The following SLC25A13 variants were observed in gnomAD, a reference collection of about 807,000 sequenced individuals.
SLC25A13 encodes the protein electrogenic aspartate/glutamate antiporter SLC25A13, mitochondrial.
Under a neutral mutation model 85.5 loss-of-function variants are expected in SLC25A13, and 70 were observed. That is an observed-to-expected ratio of 0.82 (90% CI 0.68 to 1.00). The LOEUF is 1.00. Ranked by LOEUF, SLC25A13 falls within the 50% of genes least tolerant of loss-of-function variation. SLC25A13 has a pLI of 0.00. For synonymous variants in SLC25A13, 259 were observed against 288.7 expected, an observed-to-expected ratio of 0.90 and a Z score of 1.04; for missense variants, 765 against 819.8, an observed-to-expected ratio of 0.93 and a Z score of 0.82.
At chr7:96,255,889 T>C (rs1797615106) in intron 3 of SLC25A13, among the ~76,000 whole-genome samples, 1 of 152,098 alleles carries the variant, frequency 6.6e-6, no homozygotes, top group Admixed American at 6.6e-5. Context: ...TGCAGAAACC[T>C]TAAAAGCCAG....
At position 96,120,693 on chromosome 7, in the gene SLC25A13, G is replaced by C. The variant is rs1018706685; in HGVS notation, c.*498C>G. On this transcript the variant is annotated 3_prime_UTR_variant, in exon 18 of 18. Coordinates refer to ENST00000265631, the MANE Select transcript of SLC25A13 (RefSeq NM_014251.3). ...ATAATATAATCCAGAGACAGAATTT[G>C]TGCATGCTTACAATTTGAAGCCAGG... 4.4e-6 allele frequency: 2 copies of C among 454,444 alleles called. No individual in the cohort carries two copies. The highest frequency in any genetic ancestry group is 4.7e-5 in the Admixed American group (2 of 42,562). 28.2% of individuals were successfully genotyped at this position (454,444 alleles called of 1,614,324 possible). A position where few individuals can be genotyped will look rare whatever the true frequency, so the allele number is the denominator to read the frequency against.
At chr7:96,264,118 T>C (rs759230421) in intron 3 of SLC25A13, among the ~76,000 whole-genome samples, 10 of 152,164 alleles carry the variant, frequency 6.6e-5, no homozygotes, top group African/African-American at 9.7e-5. Context: ...GAACCTCACC[T>C]ACTCTGGATT....
intron 2 of SLC25A13, among the ~76,000 whole-genome samples, chr7:96,283,994 G>A (rs1798793148): frequency 6.6e-6 from 1 of 152,040 alleles, no homozygotes; most frequent in African/African-American, 2.4e-5. Flanking sequence ...TACTGCGCAA[G>A]AAATTACTCA....
chr7:96,298,995 A>G (rs1428954436), intron 1 of SLC25A13, among the ~76,000 whole-genome samples: 4 of 152,192 alleles, frequency 2.6e-5, no homozygotes, highest in African/African-American at 9.7e-5. Context: ...AGAGTCCCAC[A>G]TCTCATGGAA....
intron 4 of SLC25A13, among the ~76,000 whole-genome samples, chr7:96,229,141 C>A (rs941191732): frequency 6.6e-6 from 1 of 152,180 alleles, no homozygotes; most frequent in African/African-American, 2.4e-5. Flanking sequence ...AGCCCCAGTG[C>A]GGGATCTACT....
chr7:96,228,428 T>C (rs150540875), intron 4 of SLC25A13, among the ~76,000 whole-genome samples: 37 of 152,324 alleles, frequency 2.4e-4, no homozygotes, highest in South Asian at 1.0e-3. Flanking sequence ...TAAATGCTCA[T>C]TGAAGCCACA....
chr7:96,252,711 T>C (rs961018713), intron 3 of SLC25A13, among the ~76,000 whole-genome samples: 2 of 152,138 alleles, frequency 1.3e-5, no homozygotes, highest in Non-Finnish European at 2.9e-5. Flanking sequence ...GAACTAATAT[T>C]ATCATTGGAT....
chr7:96,268,221 ACAGT>A (rs1798108271), intron 3 of SLC25A13, among the ~76,000 whole-genome samples: 1 of 152,220 alleles, frequency 6.6e-6, no homozygotes, highest in African/African-American at 2.4e-5. Context: ...TAACGAGATA[ACAGT>A]CAGTAACAAC....
At chr7:96,196,884 AC>A (rs1795082837) in intron 5 of SLC25A13, among the ~76,000 whole-genome samples, 1 of 152,208 alleles carries the variant, frequency 6.6e-6, no homozygotes, top group Non-Finnish European at 1.5e-5. Context: ...CATGACCTCA[AC>A]CAGTATGACA....
intron 1 of SLC25A13, among the ~76,000 whole-genome samples, chr7:96,308,103 A>T (rs1039553593): frequency 6.6e-6 from 1 of 151,138 alleles, no homozygotes; most frequent in African/African-American, 2.4e-5. Context: ...CAGTGAGCCA[A>T]GATCGTGCCA....
intron 5 of SLC25A13, among the ~76,000 whole-genome samples, chr7:96,199,864 T>A (rs1454035464): frequency 6.6e-6 from 1 of 152,116 alleles, no homozygotes; most frequent in Non-Finnish European, 1.5e-5. Flanking sequence ...CTTCTAATAG[T>A]TCCAGGCCTG....
At position 96,285,244 on chromosome 7, in the gene SLC25A13, C is replaced by T. The variant is rs186515422; in HGVS notation, c.70-7906G>A. On this transcript the variant is annotated intron_variant, in intron 2 of 17. Coordinates refer to ENST00000265631, the MANE Select transcript of SLC25A13 (RefSeq NM_014251.3). ...ATCTTGCCATTCTCCATTCCTCCTG[C>T]TGCCGCAACCCTAAGGCTGCCTAAC... Among the ~76,000 whole-genome samples the T allele has an allele frequency of 3.1e-3, 479 of 152,274 alleles. 1 individual carries two copies. The highest frequency in any genetic ancestry group is 5.3e-3 in the Non-Finnish European group (359 of 68,028).
intron 1 of SLC25A13, chr7:96,306,905 C>T (rs1799764739): frequency 9.3e-7 from 1 of 1,071,922 alleles, no homozygotes; most frequent in African/African-American, 1.5e-5. Flanking sequence ...CTCTCTTGCC[C>T]TTCACTTGTG....
chr7:96,248,727 G>C (rs1042408041), intron 3 of SLC25A13, among the ~76,000 whole-genome samples: 2 of 152,182 alleles, frequency 1.3e-5, no homozygotes, highest in Non-Finnish European at 2.9e-5. Context: ...TTTGGTTTCA[G>C]CACTCTGTTT....
chr7:96,231,723 CAA>C (rs545369060), intron 4 of SLC25A13, among the ~76,000 whole-genome samples: 2 of 107,202 alleles, frequency 1.9e-5, no homozygotes. Context: ...GACTCTGTCT[CAA>C]AAAAAAAAAA....
chr7:96,291,495 T>C (rs1196857165), intron 2 of SLC25A13, among the ~76,000 whole-genome samples: 1 of 151,998 alleles, frequency 6.6e-6, no homozygotes, highest in African/African-American at 2.4e-5. Context: ...CAGGAGCTGG[T>C]TTTTTGAAAG....
At position 96,121,138 on chromosome 7, in the gene SLC25A13, GT is replaced by G; in HGVS notation, c.*52del. 1 of 1,580,080 alleles carries G rather than the reference GT, an allele frequency of 6.3e-7. No homozygotes were observed. The highest frequency in any genetic ancestry group is 1.3e-5 in the African/African-American group (1 of 74,326). On this transcript the variant is annotated 3_prime_UTR_variant, in exon 18 of 18. Coordinates refer to ENST00000265631, the MANE Select transcript of SLC25A13 (RefSeq NM_014251.3). Reference sequence around the variant, plus strand: ...GCATTGCTTCATTCCCAGGAGGGATGTTCTTTACTGCAGTACCCACAAAAAG... The same window carrying G: ...GCATTGCTTCATTCCCAGGAGGGATGTCTTTACTGCAGTACCCACAAAAAG...
intron 15 of SLC25A13, among the ~76,000 whole-genome samples, chr7:96,128,945 T>TCTCTCTCG (rs1791876869): frequency 7.3e-6 from 1 of 136,326 alleles, no homozygotes; most frequent in Non-Finnish European, 1.6e-5. Flanking sequence ...GCTTGCTCTC[T>TCTCTCTCG]CTCTCTCTCT....
At chr7:96,227,883 A>G (rs1489863827) in intron 4 of SLC25A13, among the ~76,000 whole-genome samples, 1 of 152,090 alleles carries the variant, frequency 6.6e-6, no homozygotes, top group Non-Finnish European at 1.5e-5. Context: ...TTCTGTTTTG[A>G]GCCAGAGTTT....
Sources: allele counts gnomAD v4.1 joint callset (sites outside exome capture counted in the v4.1 genomes callset), GRCh38; gene constraint gnomAD v4.1.1; transcripts MANE v1.5; gene names NCBI Gene and HGNC (gene_info 2026-07-23, HGNC 2026-07-21).